NEB: variants seen among roughly 807,000 people sequenced by gnomAD.
NEB encodes nebulin.
Under a neutral mutation model 952.2 loss-of-function variants are expected in NEB, and 512 were observed. The ratio of observed to expected loss-of-function variants is 0.54; its 90% confidence interval spans 0.50 to 0.58. The LOEUF (loss-of-function observed/expected upper bound fraction) is 0.58. NEB is among the 20% of genes least tolerant of loss of function. NEB has a pLI of 0.00. For missense variants in NEB, 8,428 were observed against 9,231.1 expected (o/e 0.91, Z 3.56); for synonymous variants, 2,900 against 3,149.8 (o/e 0.92, Z 2.66).
intron 135 of NEB, 21 bp downstream of exon 135, chr2:151,545,867 T>G: frequency 6.9e-7 from 1 of 1,444,190 alleles, no homozygotes; most frequent in Non-Finnish European, 9.7e-7. Context: ...TTGACTTCAA[T>G]GACAAGTAAA....
intron 142 of NEB, chr2:151,534,086 T>C: frequency 4.3e-6 from 3 of 694,772 alleles, no homozygotes; most frequent in Non-Finnish European, 7.3e-6. Context: ...GCTAGACAGA[T>C]ACTTTGAAAC....
intron 125 of NEB, among the ~76,000 whole-genome samples, chr2:151,554,334 G>A (rs1310405151): frequency 2.6e-5 from 4 of 152,056 alleles, no homozygotes; most frequent in African/African-American, 9.7e-5. Flanking sequence ...ACTGAGGCAG[G>A]AGAATTGCTT....
At chr2:151,570,470 A>AT (rs749297993) in intron 108 of NEB, 27 bp downstream of exon 108, 2 of 1,584,308 alleles carry the variant, frequency 1.3e-6, no homozygotes, top group South Asian at 1.2e-5. Context: ...AAAAAAAAAA[A>AT]CTGAGAAGTT....
At chr2:151,626,738 G>A (rs1487099207) in intron 70 of NEB, among the ~76,000 whole-genome samples, 4 of 151,976 alleles carry the variant, frequency 2.6e-5, no homozygotes, top group Non-Finnish European at 5.9e-5. Flanking sequence ...GGGTTTCACC[G>A]TGGTCTCGAT....
chr2:151,727,799 T>G lies in NEB; in HGVS notation c.186A>C (p.Ser62=), dbSNP rs2099795606. ...CCTTCCTCCTCTCCACCGGCTTTGC[T>G]GATGCTGGCTGTGCCAGTGCTGGCT... ...LAQPALAQPA[S]AKPVERRKVI... is the part of the protein sequence containing the mutation. Residue 62 remains serine, a synonymous_variant, in exon 5 of 182, where the codon TCA becomes TCC. Coordinates refer to ENST00000397345, the MANE Select transcript of NEB (RefSeq NM_001164508.2). The G allele has an allele frequency of 6.2e-7, 1 of 1,612,172 alleles. No individual in the cohort carries two copies. The highest frequency in any genetic ancestry group is 8.5e-7 in the Non-Finnish European group (1 of 1,178,992).
intron 44 of NEB, among the ~76,000 whole-genome samples, chr2:151,664,264 G>T (rs1199323856): frequency 6.6e-6 from 1 of 152,190 alleles, no homozygotes; most frequent in Non-Finnish European, 1.5e-5. Flanking sequence ...GATTGTAAGT[G>T]ATTTGAATAG....
intron 28 of NEB, among the ~76,000 whole-genome samples, chr2:151,684,321 A>C (rs930507343): frequency 1.3e-5 from 2 of 152,136 alleles, no homozygotes; most frequent in African/African-American, 4.8e-5. Context: ...TGCAGAAAAA[A>C]CCGTTATAAA....
At chr2:151,612,824 G>T (rs137863488) in intron 77 of NEB, among the ~76,000 whole-genome samples, 1 of 152,226 alleles carries the variant, frequency 6.6e-6, no homozygotes, top group African/African-American at 2.4e-5. Flanking sequence ...GGTTGATCAC[G>T]TTGCATTAAT....
chr2:151,610,950 T>C, intron 78 of NEB, 84 bp from the exon 79 acceptor site: 2 of 824,682 alleles, frequency 2.4e-6, no homozygotes, highest in South Asian at 4.3e-5. Flanking sequence ...ATTACAGTTG[T>C]TAGCAAATTT....
At position 151,675,376 on chromosome 2, in the gene NEB, T is replaced by C; in HGVS notation, c.3790A>G (p.Lys1264Glu). The C allele has an allele frequency of 6.4e-7, 1 of 1,572,890 alleles. No homozygotes were observed. The part of the protein sequence containing the change: ...KQVSDILYKA[K>E]GEDVKHKYTM... The stretch of plus-strand genomic sequence containing the variant: ...TATTTATGTTTCACATCTTCTCCTT[T>C]AGCCTTGTATAAGATCTGCAATAAA... The change falls in exon 35 of 182, where the codon AAA (lysine) becomes GAA (glutamate). Residue 1264 changes from lysine (K) to glutamate (E), a missense_variant. This residue lies in a region of NEB where 2,851 missense variants were observed against 2,791.5 expected (regional missense o/e 1.02). Coordinates refer to ENST00000397345, the MANE Select transcript of NEB (RefSeq NM_001164508.2).
chr2:151,496,443 T>C (rs1457783417), intron 172 of NEB, 75 bp from the exon 173 acceptor site: 3 of 1,503,566 alleles, frequency 2.0e-6, no homozygotes, highest in South Asian at 1.3e-5. Flanking sequence ...AAGGGTAAGG[T>C]CAACTTCCTT....
chr2:151,678,040 A>G lies in NEB; in HGVS notation c.3403T>C (p.Ser1135Pro). The change falls in exon 33 of 182, where the codon TCC (serine) becomes CCC (proline). Residue 1135 changes from serine to proline, a missense_variant. By Grantham distance (74) the Ser-to-Pro change is moderately conservative. This residue lies in a region of NEB where 2,851 missense variants were observed against 2,791.5 expected (regional missense o/e 1.02). Coordinates refer to ENST00000397345, the MANE Select transcript of NEB (RefSeq NM_001164508.2). ...ATATCATGGGGCGTGTTGTATTTGG[A>G]CTTTGTCTTCTCATAGTCTTTTTTA... ...EYKKDYEKTK[S>P]KYNTPHDMFN... The G allele has an allele frequency of 6.2e-7, 1 of 1,613,874 alleles. No homozygotes were observed. Among genetic ancestry groups the G allele is most frequent in the Non-Finnish European group, 8.5e-7 (1 of 1,179,852 alleles).
chr2:151,505,112 A>T, intron 165 of NEB, among the ~76,000 whole-genome samples: 1 of 152,292 alleles, frequency 6.6e-6, no homozygotes, highest in East Asian at 1.9e-4. Flanking sequence ...TACTACTTAT[A>T]TGTTTATATG....
intron 4 of NEB, among the ~76,000 whole-genome samples, chr2:151,729,122 T>G (rs1412451072): frequency 6.6e-6 from 1 of 152,164 alleles, no homozygotes; most frequent in Non-Finnish European, 1.5e-5. Context: ...TATTTAGAAT[T>G]GCTAATGTGC....
At chr2:151,704,731 G>A (rs568527189) in intron 13 of NEB, among the ~76,000 whole-genome samples, 45 of 152,274 alleles carry the variant, frequency 3.0e-4, no homozygotes, top group Non-Finnish European at 5.4e-4. Context: ...CGCACAGTGC[G>A]AGCACTCACT....
intron 2 of NEB, among the ~76,000 whole-genome samples, chr2:151,733,468 TCAGGGAA>T (rs2099813663): frequency 6.6e-6 from 1 of 152,176 alleles, no homozygotes; most frequent in Admixed American, 6.6e-5. Context: ...GAGTTTGGAC[TCAGGGAA>T]CAGAGAATTT....
intron 58 of NEB, 54 bp from the exon 59 acceptor site, chr2:151,642,923 G>A: frequency 7.3e-7 from 1 of 1,376,038 alleles, no homozygotes; most frequent in Non-Finnish European, 1.0e-6. Flanking sequence ...ATAGACACAT[G>A]CAGACAGTCT....
At position 151,485,724 on chromosome 2, in the gene NEB, G is replaced by A. The variant is rs773628949; in HGVS notation, c.*36C>T. On this transcript the variant is annotated 3_prime_UTR_variant, in exon 182 of 182. Coordinates refer to ENST00000397345, the MANE Select transcript of NEB (RefSeq NM_001164508.2). The stretch of plus-strand genomic sequence containing the variant: ...AACCGAAACATTGACTGCAGGATCT[G>A]TAAGTCCTGCAGACAAGTGTGATGC... 5.6e-5 allele frequency: 87 copies of A among 1,564,256 alleles called. No homozygotes were observed. The highest frequency in any genetic ancestry group is 7.5e-5 in the Non-Finnish European group (86 of 1,149,022).
chr2:151,691,084 T>C (rs967258853), intron 23 of NEB, among the ~76,000 whole-genome samples: 9 of 152,266 alleles, frequency 5.9e-5, no homozygotes, highest in Middle Eastern at 3.4e-3. Context: ...CCTTACACAG[T>C]GACTCTTTAG....
Sources: allele counts gnomAD v4.1 joint callset (sites outside exome capture counted in the v4.1 genomes callset), GRCh38; gene constraint gnomAD v4.1.1; regional missense constraint gnomAD v4.1.1; transcripts MANE v1.5; gene names NCBI Gene and HGNC (gene_info 2026-07-23, HGNC 2026-07-21).